Variants in DLAT observed in about 807,000 individuals in gnomAD.
DLAT encodes the protein dihydrolipoyllysine-residue acetyltransferase component of pyruvate dehydrogenase complex, mitochondrial.
A neutral mutation model predicts 68.0 loss-of-function variants in DLAT; 43 were observed. The observed-to-expected ratio is 0.63, with a 90% CI of 0.50 to 0.81. The LOEUF (loss-of-function observed/expected upper bound fraction) is 0.81. DLAT is among the 40% of genes least tolerant of loss of function. DLAT has a pLI of 0.00. For synonymous variants in DLAT, 265 were observed against 288.6 expected (o/e 0.92, Z 0.83); for missense variants, 745 against 815.4 (o/e 0.91, Z 1.05).
chr11:112,029,934 G>T, intron 4 of DLAT: 1 of 781,262 alleles, frequency 1.3e-6, no homozygotes, highest in Non-Finnish European at 2.2e-6. Context: ...AAGTCCATCA[G>T]TGATTTTTCC....
intron 2 of DLAT, among the ~76,000 whole-genome samples, chr11:112,027,129 C>T (rs1337750547): frequency 7.9e-5 from 12 of 151,392 alleles, no homozygotes; most frequent in Non-Finnish European, 1.8e-4. Context: ...CGGAGGGGCT[C>T]CTCACTTCTC....
In DLAT at chr11:112,025,618, C is replaced by T. The variant is rs1555179120; in HGVS notation, c.146C>T (p.Thr49Ile). Residue 49 changes from threonine (T) to isoleucine (I), a missense_variant, in exon 1 of 14, where the codon ACT becomes ATT. By Grantham distance (89) the Thr-to-Ile change is moderately conservative (BLOSUM62 -1). Coordinates refer to ENST00000280346, the MANE Select transcript of DLAT (RefSeq NM_001931.5). ...GPAPARRNSV[T>I]TGYGGVRALC... ...GCTCCCGCTCGTCGCAACAGCGTGA[C>T]TACAGGGTATGGCGGGGTCCGGGCA... is the stretch of plus-strand genomic sequence containing the variant. 10 of 1,613,848 alleles carry T rather than the reference C, an allele frequency of 6.2e-6. No homozygotes were observed. The highest frequency in any genetic ancestry group is 8.5e-6 in the Non-Finnish European group (10 of 1,180,010).
chr11:112,060,938 C>G (rs782100509), intron 12 of DLAT, 100 bp from the exon 13 acceptor site: 1 of 1,087,760 alleles, frequency 9.2e-7, no homozygotes, highest in Admixed American at 2.1e-5. Context: ...TTCTTAAGAC[C>G]TTGCACCTTT....
chr11:112,038,234 C>T (rs1199104981), intron 6 of DLAT, among the ~76,000 whole-genome samples: 14 of 151,852 alleles, frequency 9.2e-5, no homozygotes, highest in African/African-American at 3.1e-4. Flanking sequence ...AGTCTTGCTC[C>T]GTCACCCAGG....
chr11:112,055,002 G>A (rs1388005254), intron 11 of DLAT, among the ~76,000 whole-genome samples: 1 of 152,064 alleles, frequency 6.6e-6, no homozygotes, highest in Non-Finnish European at 1.5e-5. Flanking sequence ...TCTTATCTCA[G>A]GATCCTAATT....
chr11:112,034,895 T>C (rs1236738458), intron 5 of DLAT, among the ~76,000 whole-genome samples: 2 of 151,846 alleles, frequency 1.3e-5, no homozygotes, highest in Non-Finnish European at 2.9e-5. Context: ...TGCCTCAGCC[T>C]CCCGAGTAGC....
intron 5 of DLAT, among the ~76,000 whole-genome samples, chr11:112,034,294 G>T (rs986445076): frequency 1.3e-5 from 2 of 152,044 alleles, no homozygotes; most frequent in Admixed American, 1.3e-4. Flanking sequence ...TGAAACCAGG[G>T]TTGAGATTGT....
intron 5 of DLAT, among the ~76,000 whole-genome samples, chr11:112,036,192 TGTGTGTG>T (rs1862740597): frequency 8.7e-5 from 7 of 80,302 alleles, no homozygotes; most frequent in Admixed American, 1.4e-4. Context: ...TGTGTGTGTG[TGTGTGTG>T]TGTTTTTTTT....
intron 7 of DLAT, 28 bp from the exon 8 acceptor site, chr11:112,043,438 A>G (rs782552534): frequency 1.7e-5 from 27 of 1,598,868 alleles, no homozygotes; most frequent in East Asian, 2.2e-5. Context: ...GTATGTCATC[A>G]TGTATGTGAT....
At position 112,025,759 on chromosome 11, in the gene DLAT, C is replaced by T; in HGVS notation, c.279+8C>T. 2 of 1,612,972 alleles carry T rather than the reference C, an allele frequency of 1.2e-6. No homozygotes were observed. Among genetic ancestry groups the T allele is most frequent in the African/African-American group, 2.7e-5 (2 of 75,048 alleles). ...CTTCCCCCGCATCAGAAGGTGAGCC[C>T]TAGACCCCCCTTCTCGGGACCCCGT... is the stretch of plus-strand genomic sequence containing the variant. On this transcript the variant is annotated splice_region_variant and intron_variant, in intron 1 of 13. Coordinates refer to ENST00000280346, the MANE Select transcript of DLAT (RefSeq NM_001931.5).
intron 4 of DLAT, among the ~76,000 whole-genome samples, chr11:112,029,645 C>CTT (rs113882148): frequency 3.4e-5 from 5 of 145,504 alleles, no homozygotes; most frequent in African/African-American, 1.3e-4. Flanking sequence ...GATCATATTT[C>CTT]TTTTTTTTTT....
In DLAT at chr11:112,045,089, C is replaced by T. The variant is rs782292389; in HGVS notation, c.1198-49C>T. 64 of 1,428,134 alleles carry T rather than the reference C, an allele frequency of 4.5e-5. No individual in the cohort carries two copies. In the Admixed American group the frequency reaches 6.9e-4, roughly 15 times the overall value. The allele number at this position is 1,428,134 out of a possible 1,614,324, so 88.5% of individuals were successfully genotyped here. The stretch of plus-strand genomic sequence containing the variant: ...ACTGGCAGTCTTTCCCAGGTACTTA[C>T]GCTAAGATTGAATCACAGTTACTAA... On this transcript the variant is annotated intron_variant, in intron 8 of 13. Coordinates refer to ENST00000280346, the MANE Select transcript of DLAT (RefSeq NM_001931.5).
chr11:112,049,837 A>G (rs1429730566), intron 10 of DLAT, among the ~76,000 whole-genome samples: 7 of 152,224 alleles, frequency 4.6e-5, no homozygotes, highest in African/African-American at 1.7e-4. Context: ...TTATCTGCAA[A>G]TAGAGATAAT....
At chr11:112,052,953 C>A (rs180871651) in intron 11 of DLAT, among the ~76,000 whole-genome samples, 1 of 152,176 alleles carries the variant, frequency 6.6e-6, no homozygotes, top group East Asian at 1.9e-4. Context: ...TCAGGAAATT[C>A]CGGTTCTAGG....
chr11:112,027,056 T>TC (rs2137685333), intron 2 of DLAT, among the ~76,000 whole-genome samples: 1 of 150,184 alleles, frequency 6.7e-6, no homozygotes, highest in Admixed American at 6.6e-5. Flanking sequence ...CCCACCTCCC[T>TC]CCCGGACGGG....
intron 7 of DLAT, 81 bp downstream of exon 7, chr11:112,039,478 TG>T: frequency 7.3e-7 from 1 of 1,365,152 alleles, no homozygotes; most frequent in Non-Finnish European, 1.0e-6. Context: ...AGTACAACTA[TG>T]TATAGCCGTA....
chr11:112,032,011 G>C (rs1003236646), intron 4 of DLAT, among the ~76,000 whole-genome samples: 9 of 148,838 alleles, frequency 6.0e-5, no homozygotes, highest in African/African-American at 2.0e-4. Flanking sequence ...CTCCTGAGTA[G>C]CTGGGACTAC....
Position 112,026,247 on chromosome 11 carries a change from G to T in DLAT, c.329G>T (p.Arg110Leu). The change falls in exon 2 of 14, where the codon CGT becomes CTT. Residue 110 changes from arginine (R) to leucine (L), a missense_variant. Arg to Leu is a moderately radical substitution (Grantham distance 102, BLOSUM62 -2). Coordinates refer to ENST00000280346, the MANE Select transcript of DLAT (RefSeq NM_001931.5). ...SPTMQAGTIA[R>L]WEKKEGDKIN... is the part of the protein sequence containing the mutation. ...ACAATGCAGGCAGGCACCATAGCCCGTTGGGAAAAAAAAGAGGGGGACAAA... is the reference window on the plus strand; with the variant it reads ...ACAATGCAGGCAGGCACCATAGCCCTTTGGGAAAAAAAAGAGGGGGACAAA... 6.2e-7 allele frequency: 1 copy of T among 1,605,492 alleles called. No homozygotes were observed. Among genetic ancestry groups the T allele is most frequent in the South Asian group, 1.1e-5 (1 of 89,970 alleles).
In DLAT at chr11:112,028,545, G is replaced by T. The variant is rs781991355; in HGVS notation, c.412G>T (p.Glu138Ter). 27 of 1,613,848 alleles carry T rather than the reference G, an allele frequency of 1.7e-5. No individual in the cohort carries two copies. Among genetic ancestry groups the T allele is most frequent in the Non-Finnish European group, 2.2e-5 (26 of 1,179,928 alleles). ...VETDKATVGF[E>*]SLEECYMAKI... ...AACTGATAAAGCCACTGTTGGATTTGAGAGCCTGGAGGAGTGTTATATGGC... is the reference window on the plus strand; with the variant it reads ...AACTGATAAAGCCACTGTTGGATTTTAGAGCCTGGAGGAGTGTTATATGGC... Residue 138 changes from glutamate (E) to a stop codon, truncating the protein, a stop_gained, in exon 3 of 14, where the codon GAG becomes TAG. Coordinates refer to ENST00000280346, the MANE Select transcript of DLAT (RefSeq NM_001931.5). LOFTEE classifies it high-confidence loss of function.
Sources: gnomAD v4.1 joint callset for allele counts (sites outside exome capture counted in the v4.1 genomes callset) on GRCh38, gnomAD v4.1.1 for gene constraint, MANE v1.5 for transcripts, NCBI Gene and HGNC (gene_info 2026-07-23, HGNC 2026-07-21) for gene names.